Variants in TIMMDC1 observed in about 807,000 individuals in gnomAD.
The protein encoded by TIMMDC1 is complex I assembly factor TIMMDC1, mitochondrial.
Under a neutral mutation model 32.6 loss-of-function variants are expected in TIMMDC1, and 25 were observed. The observed-to-expected ratio is 0.77, with a 90% confidence interval of 0.56 to 1.07. The LOEUF (loss-of-function observed/expected upper bound fraction) is 1.07, where lower values mean the gene tolerates loss of function less well. Ranked by LOEUF, TIMMDC1 falls within the 50% of genes least tolerant of loss-of-function variation. The probability of loss-of-function intolerance (pLI) is 0.00; values close to 1 mark genes in which losing one functional copy is unlikely to be tolerated. For missense variants in TIMMDC1, 329 were observed against 349.2 expected, an observed-to-expected ratio of 0.94 and a Z score of 0.46; for synonymous variants, 130 against 127.6, an observed-to-expected ratio of 1.02 and a Z score of -0.13.
In TIMMDC1 at chr3:119,515,598, T is replaced by C. The variant is rs548273417; in HGVS notation, c.597-1607T>C. Among the ~76,000 whole-genome samples the C allele has an allele frequency of 3.3e-5, 5 of 152,356 alleles. No homozygotes were observed. The South Asian group carries it at 8.3e-4, about 25-fold the overall frequency. ...ACAGTTGAGGGATTAGGCAGGATATTTGGGGGGACCACTTTAGAATTCTGC... is the reference window on the plus strand; with the variant it reads ...ACAGTTGAGGGATTAGGCAGGATATCTGGGGGGACCACTTTAGAATTCTGC... On this transcript the variant is annotated intron_variant, in intron 5 of 6. Coordinates refer to ENST00000494664, the MANE Select transcript of TIMMDC1 (RefSeq NM_016589.4).
intron 6 of TIMMDC1, among the ~76,000 whole-genome samples, chr3:119,521,259 T>G (rs1443449929): frequency 6.6e-6 from 1 of 151,964 alleles, no homozygotes; most frequent in Non-Finnish European, 1.5e-5. Context: ...GAAAAAGAAA[T>G]AAAGGGCATT....
chr3:119,511,091 A>T (rs989253085), intron 4 of TIMMDC1, among the ~76,000 whole-genome samples: 14 of 151,950 alleles, frequency 9.2e-5, no homozygotes, highest in Non-Finnish European at 1.8e-4. Flanking sequence ...ATTTTTCTTA[A>T]TTTTTTTTGA....
At chr3:119,521,558 T>G (rs1479696505) in intron 6 of TIMMDC1, among the ~76,000 whole-genome samples, 1 of 149,254 alleles carries the variant, frequency 6.7e-6, no homozygotes, top group Non-Finnish European at 1.5e-5. Flanking sequence ...TTAGGCACAG[T>G]AGTGCATGCC....
At chr3:119,523,494 A>G in intron 6 of TIMMDC1, 112 bp from the exon 7 acceptor site, 2 of 1,080,856 alleles carry the variant, frequency 1.9e-6, no homozygotes, top group Non-Finnish European at 2.6e-6. Flanking sequence ...TTGCTTCTAA[A>G]TTGCTATACC....
At chr3:119,516,825 GA>G (rs2081987575) in intron 5 of TIMMDC1, among the ~76,000 whole-genome samples, 1 of 152,056 alleles carries the variant, frequency 6.6e-6, no homozygotes. Flanking sequence ...GTGCCATTCT[GA>G]ACTAGAAATT....
Position 119,523,932 on chromosome 3 carries a change from T to A in TIMMDC1, c.*176T>A. The A allele has an allele frequency of 2.0e-6, 1 of 502,880 alleles. No individual in the cohort carries two copies. The highest frequency in any genetic ancestry group is 3.4e-6 in the Non-Finnish European group (1 of 293,376). The allele number at this position is 502,880 out of a possible 1,614,324, so 31.2% of individuals were successfully genotyped here. On this transcript the variant is annotated 3_prime_UTR_variant, in exon 7 of 7. Coordinates refer to ENST00000494664, the MANE Select transcript of TIMMDC1 (RefSeq NM_016589.4). ...TCTTTTTAACTAAGAATGGGGCTGT[T>A]GTACTCTCACTTTACTTATCCTTAA...
intron 6 of TIMMDC1, among the ~76,000 whole-genome samples, chr3:119,519,503 AAG>A (rs1345323081): frequency 1.3e-5 from 2 of 152,194 alleles, no homozygotes; most frequent in African/African-American, 4.8e-5. Flanking sequence ...AAACTATAAA[AAG>A]AGACAAGGTC....
At chr3:119,519,325 A>G (rs1362818788) in intron 6 of TIMMDC1, among the ~76,000 whole-genome samples, 1 of 152,230 alleles carries the variant, frequency 6.6e-6, no homozygotes, top group Non-Finnish European at 1.5e-5. Context: ...TGAATAAAAA[A>G]AAGTTTAAAG....
At chr3:119,510,196 T>C (rs2081944431) in intron 4 of TIMMDC1, among the ~76,000 whole-genome samples, 1 of 152,272 alleles carries the variant, frequency 6.6e-6, no homozygotes, top group East Asian at 1.9e-4. Flanking sequence ...AGTGTAAATA[T>C]ATAAATAGCC....
intron 4 of TIMMDC1, among the ~76,000 whole-genome samples, chr3:119,504,907 G>A (rs1026418672): frequency 3.9e-5 from 6 of 151,944 alleles, no homozygotes; most frequent in Admixed American, 6.6e-5. Context: ...GTGAAACCCC[G>A]TCTCTACTAA....
intron 4 of TIMMDC1, among the ~76,000 whole-genome samples, chr3:119,511,095 T>G (rs2081949133): frequency 6.6e-6 from 1 of 152,212 alleles, no homozygotes; most frequent in Non-Finnish European, 1.5e-5. Flanking sequence ...TTCTTAATTT[T>G]TTTTGATATT....
At chr3:119,507,372 G>C (rs905318458) in intron 4 of TIMMDC1, among the ~76,000 whole-genome samples, 12 of 152,096 alleles carry the variant, frequency 7.9e-5, no homozygotes, top group Admixed American at 3.3e-4. Context: ...TTCGGTTTGG[G>C]AAGTGTCTGT....
rs949729941 is a variant in TIMMDC1 at position 119,524,975 on chromosome 3, G to T, written c.*1219G>T. The stretch of plus-strand genomic sequence containing the variant: ...TTCTCATAAATATTTTACAAATGAG[G>T]TCAAACTAGCATAAAGCCATTTAAA... On this transcript the variant is annotated 3_prime_UTR_variant, in exon 7 of 7. Transcript: ENST00000494664. 1.3e-5 allele frequency: 2 copies of T among 152,158 alleles called. No homozygotes were observed. The highest frequency in any genetic ancestry group is 4.8e-5 in the African/African-American group (2 of 41,440). The allele number at this position is 152,158 out of a possible 1,614,324, so 9.4% of individuals were successfully genotyped here.
intron 6 of TIMMDC1, 54 bp downstream of exon 6, chr3:119,517,369 A>G (rs1309291178): frequency 2.6e-6 from 3 of 1,159,190 alleles, no homozygotes; most frequent in Non-Finnish European, 3.9e-6. Context: ...CAGGCCTTAT[A>G]TAGTGGTGCT....
intron 4 of TIMMDC1, among the ~76,000 whole-genome samples, chr3:119,512,983 C>T (rs1462348532): frequency 2.0e-5 from 3 of 152,174 alleles, no homozygotes; most frequent in African/African-American, 4.8e-5. Context: ...TCAAGTGATC[C>T]GCCTGCCTTG....
At chr3:119,506,775 T>C (rs1328747067) in intron 4 of TIMMDC1, among the ~76,000 whole-genome samples, 1 of 152,226 alleles carries the variant, frequency 6.6e-6, no homozygotes, top group Non-Finnish European at 1.5e-5. Flanking sequence ...GTCACTTTAA[T>C]GTCAATTCTT....
Position 119,498,783 on chromosome 3 carries a change from G to A in TIMMDC1, c.50G>A (p.Cys17Tyr). The change falls in exon 1 of 7, where the codon TGC (cysteine) becomes TAC (tyrosine). Residue 17 changes from cysteine (C) to tyrosine (Y), a missense_variant. Cys to Tyr is a radical substitution (Grantham distance 194). Coordinates refer to ENST00000494664, the MANE Select transcript of TIMMDC1 (RefSeq NM_016589.4). ...APRSFLCRALCLFPRVFAAEA... is the reference protein window; with the variant it reads ...APRSFLCRALYLFPRVFAAEA... ...CGGAGCTTTCTCTGTAGAGCATTGT[G>A]CCTATTTCCCCGAGTCTTTGCTGCC... The A allele has an allele frequency of 1.2e-6, 2 of 1,614,242 alleles. No individual in the cohort carries two copies. Among genetic ancestry groups the A allele is most frequent in the Non-Finnish European group, 1.7e-6 (2 of 1,180,040 alleles).
chr3:119,502,935 ATCAT>A (rs1311972247), intron 2 of TIMMDC1, among the ~76,000 whole-genome samples: 1 of 152,180 alleles, frequency 6.6e-6, no homozygotes, highest in Admixed American at 6.5e-5. Flanking sequence ...TCTAAAGTCT[ATCAT>A]TCTTTCTACA....
chr3:119,516,340 T>TACAC lies in TIMMDC1; in HGVS notation c.597-864_597-861dup, dbSNP rs1382514667. 7.9e-5 allele frequency among the ~76,000 whole-genome samples: 12 copies of TACAC among 152,246 alleles called. No homozygotes were observed. In the East Asian group the frequency reaches 2.3e-3, roughly 29 times the overall value. Reference sequence around the variant, plus strand: ...TAGATACTTCATATGAGTGGAATCATACACTATTTGTCCTTTTGTGACTAG... The same window carrying TACAC: ...TAGATACTTCATATGAGTGGAATCATACACACACTATTTGTCCTTTTGTGACTAG... On this transcript the variant is annotated intron_variant, in intron 5 of 6. Coordinates refer to ENST00000494664, the MANE Select transcript of TIMMDC1 (RefSeq NM_016589.4).
Sources: gnomAD v4.1 joint callset for allele counts (sites outside exome capture counted in the v4.1 genomes callset) on GRCh38, gnomAD v4.1.1 for gene constraint, MANE v1.5 for transcripts, NCBI Gene and HGNC (gene_info 2026-07-23, HGNC 2026-07-21) for gene names.